Variants in SLC12A6 observed in about 807,000 individuals in gnomAD.
SLC12A6 encodes the protein K-Cl cotransporter 3.
Under a neutral mutation model 135.3 loss-of-function variants are expected in SLC12A6, and 66 were observed. That is an observed-to-expected ratio of 0.49 (90% confidence interval 0.40 to 0.60). The LOEUF is 0.60. SLC12A6 is among the 20% of genes least tolerant of loss of function. The pLI is 0.00. For missense variants in SLC12A6, 1,058 were observed against 1,452.3 expected (o/e 0.73, Z 4.41); for synonymous variants, 513 against 508.8 (o/e 1.01, Z -0.11).
chr15:34,271,029 A>G (rs1893894284), intron 3 of SLC12A6, among the ~76,000 whole-genome samples: 1 of 152,102 alleles, frequency 6.6e-6, no homozygotes, highest in African/African-American at 2.4e-5. Context: ...CACAATCATA[A>G]GAACATAGAG....
chr15:34,309,859 CT>C (rs1888028185), intron 2 of SLC12A6, among the ~76,000 whole-genome samples: 1 of 152,086 alleles, frequency 6.6e-6, no homozygotes, highest in Admixed American at 6.6e-5. Flanking sequence ...GTTAGTTAGG[CT>C]GGTAAAAGCC....
At chr15:34,287,997 T>TCA (rs1187390803) in intron 2 of SLC12A6, among the ~76,000 whole-genome samples, 3 of 152,242 alleles carry the variant, frequency 2.0e-5, no homozygotes, top group African/African-American at 7.2e-5. Flanking sequence ...ATCCCATTTG[T>TCA]CAATGTTGGC....
chr15:34,324,707 A>G (rs193102045), intron 2 of SLC12A6, among the ~76,000 whole-genome samples: 72 of 152,336 alleles, frequency 4.7e-4, no homozygotes, highest in African/African-American at 1.7e-3. Context: ...ATTCTCTATC[A>G]GAGGGCTACC....
At chr15:34,316,394 G>T (rs939059822) in intron 2 of SLC12A6, among the ~76,000 whole-genome samples, 1 of 151,482 alleles carries the variant, frequency 6.6e-6, no homozygotes, top group Non-Finnish European at 1.5e-5. Flanking sequence ...TTTACTCCTA[G>T]GTTTAAAAAA....
At chr15:34,252,137 G>C (rs2705342) in intron 10 of SLC12A6, 33 bp downstream of exon 10, 1 of 1,142,566 alleles carries the variant, frequency 8.8e-7, no homozygotes, top group South Asian at 1.2e-5. Context: ...CCAGAAAATA[G>C]GAAAAAACTT....
At chr15:34,241,977 G>T in intron 17 of SLC12A6, 125 bp downstream of exon 17, 1 of 748,670 alleles carries the variant, frequency 1.3e-6, no homozygotes, top group Non-Finnish European at 2.4e-6. Flanking sequence ...AAGAATTAGG[G>T]GTACAAAATA....
chr15:34,269,593 T>C (rs1893770578), intron 3 of SLC12A6, among the ~76,000 whole-genome samples: 1 of 152,248 alleles, frequency 6.6e-6, no homozygotes, highest in African/African-American at 2.4e-5. Flanking sequence ...TCCCAAATGC[T>C]ACATGTTTTT....
chr15:34,318,585 G>A lies in SLC12A6; in HGVS notation c.271+17825C>T, dbSNP rs150751809. The A allele has an allele frequency of 3.6e-3, 5,813 of 1,613,838 alleles. 24 individuals are homozygous for A. The highest frequency in any genetic ancestry group is 4.3e-3 in the Non-Finnish European group (5,049 of 1,179,750). On this transcript the variant is annotated intron_variant, in intron 2 of 25. Transcript: ENST00000354181. ...CCTGGTTCATCTGAATCCTGAATCCGGGCTTTTATGTCTGCTAAACTAGGC... is the reference window on the plus strand; with the variant it reads ...CCTGGTTCATCTGAATCCTGAATCCAGGCTTTTATGTCTGCTAAACTAGGC...
At chr15:34,337,991 G>A (rs1890309714), upstream of SLC12A6, 2 of 152,074 alleles carry the variant, frequency 1.3e-5, no homozygotes, top group East Asian at 2.0e-4. Flanking sequence ...GGTGCAGTGA[G>A]AGGGCGGAAC....
intron 3 of SLC12A6, among the ~76,000 whole-genome samples, chr15:34,271,109 G>C (rs898529069): frequency 1.3e-5 from 2 of 152,112 alleles, no homozygotes; most frequent in Non-Finnish European, 2.9e-5. Context: ...CAAGATGAGT[G>C]GGGGGAGACA....
chr15:34,318,820 T>G (rs1276984571), intron 2 of SLC12A6: 3 of 1,526,320 alleles, frequency 2.0e-6, no homozygotes, highest in Non-Finnish European at 2.6e-6. Flanking sequence ...GGAAGTACTT[T>G]AAGCTCACGT....
intron 3 of SLC12A6, among the ~76,000 whole-genome samples, chr15:34,273,986 A>C (rs1435906035): frequency 6.6e-6 from 1 of 152,128 alleles, no homozygotes; most frequent in East Asian, 1.9e-4. Context: ...AAGGAATTCC[A>C]CTGTTAGGAA....
At chr15:34,311,093 T>C (rs1286678975) in intron 2 of SLC12A6, among the ~76,000 whole-genome samples, 1 of 152,170 alleles carries the variant, frequency 6.6e-6, no homozygotes, top group African/African-American at 2.4e-5. Context: ...TGCTCTTCAA[T>C]ACCAGTACAG....
At chr15:34,293,331 G>C (rs1383170946) in intron 2 of SLC12A6, among the ~76,000 whole-genome samples, 1 of 152,144 alleles carries the variant, frequency 6.6e-6, no homozygotes, top group Non-Finnish European at 1.5e-5. Context: ...TTGAGACAGA[G>C]TCTCACTCTG....
intron 2 of SLC12A6, among the ~76,000 whole-genome samples, chr15:34,281,470 A>C (rs1463786469): frequency 1.3e-5 from 2 of 152,190 alleles, no homozygotes; most frequent in African/African-American, 2.4e-5. Flanking sequence ...GACCTAGAAA[A>C]ACTAACATGA....
intron 3 of SLC12A6, among the ~76,000 whole-genome samples, chr15:34,266,624 T>C (rs1893542759): frequency 6.6e-6 from 1 of 152,114 alleles, no homozygotes; most frequent in African/African-American, 2.4e-5. Flanking sequence ...GGATTTTTTG[T>C]AGAGATGAGG....
At chr15:34,235,520 C>T (rs140873585) in intron 24 of SLC12A6, among the ~76,000 whole-genome samples, 13 of 149,186 alleles carry the variant, frequency 8.7e-5, no homozygotes, top group Non-Finnish European at 1.5e-4. Flanking sequence ...CAGCAACCTC[C>T]GCCTCCCAGG....
intron 2 of SLC12A6, among the ~76,000 whole-genome samples, chr15:34,330,131 T>C (rs1011964929): frequency 5.9e-5 from 9 of 152,216 alleles, no homozygotes; most frequent in African/African-American, 1.9e-4. Flanking sequence ...AATTGTTTTA[T>C]GCACATCAGA....
In SLC12A6 at chr15:34,239,349, C is replaced by T. The variant is rs141190218; in HGVS notation, c.2437-189G>A. On this transcript the variant is annotated intron_variant, in intron 19 of 25. Transcript: ENST00000354181. ...TGATCTTTTGTCTTTTTGCTTACTA[C>T]GTATTTTTGCCTCTGTAGCTGGTTG... 7.7e-3 allele frequency among the ~76,000 whole-genome samples: 1,167 copies of T among 152,270 alleles called. 12 individuals are homozygous for T. The highest frequency in any genetic ancestry group is 0.026 in the African/African-American group (1,083 of 41,564).
Sources: allele counts gnomAD v4.1 joint callset (sites outside exome capture counted in the v4.1 genomes callset), GRCh38; gene constraint gnomAD v4.1.1; transcripts MANE v1.5; gene names NCBI Gene and HGNC (gene_info 2026-07-23, HGNC 2026-07-21).